MICU1: variants seen among roughly 807,000 people sequenced by gnomAD.
MICU1 encodes the protein mitochondrial calcium uptake 1, also known as calcium uptake protein 1, mitochondrial.
In MICU1, 45 loss-of-function variants were observed where a neutral mutation model predicts 56.8. The ratio of observed to expected loss-of-function variants is 0.79; its 90% CI spans 0.62 to 1.02. The LOEUF (loss-of-function observed/expected upper bound fraction) is 1.02, where lower values mean the gene tolerates loss of function less well. Ranked by LOEUF, MICU1 falls within the 50% of genes least tolerant of loss-of-function variation. The pLI is 0.00. For missense variants in MICU1, 504 were observed against 587.1 expected (o/e 0.86, Z 1.46); for synonymous variants, 186 against 195.1 (o/e 0.95, Z 0.39).
intron 10 of MICU1, among the ~76,000 whole-genome samples, chr10:72,400,060 A>G (rs1863401661): frequency 6.6e-6 from 1 of 152,260 alleles, no homozygotes; most frequent in African/African-American, 2.4e-5. Flanking sequence ...TGTATTTACC[A>G]AAAATAAAAC....
chr10:72,399,381 C>T (rs544856432), intron 10 of MICU1, among the ~76,000 whole-genome samples: 280 of 152,188 alleles, frequency 1.8e-3, no homozygotes, highest in South Asian at 7.3e-3. Context: ...TTGATGGGTG[C>T]AGCAAACCAC....
At chr10:72,442,204 G>C (rs1045186725) in intron 8 of MICU1, among the ~76,000 whole-genome samples, 2 of 151,666 alleles carry the variant, frequency 1.3e-5, no homozygotes, top group African/African-American at 4.8e-5. Flanking sequence ...TCACCCAGGT[G>C]CAATCTTGGC....
At chr10:72,461,390 G>C (rs1166344742) in intron 8 of MICU1, among the ~76,000 whole-genome samples, 1 of 152,190 alleles carries the variant, frequency 6.6e-6, no homozygotes, top group Non-Finnish European at 1.5e-5. Flanking sequence ...AGTTAGAATT[G>C]ACTCAAATAA....
intron 2 of MICU1, among the ~76,000 whole-genome samples, chr10:72,563,633 C>T (rs1004482420): frequency 1.3e-5 from 2 of 152,126 alleles, no homozygotes; most frequent in South Asian, 2.1e-4. Context: ...AAGATGAAAA[C>T]GTTCTGGAGA....
intron 6 of MICU1, among the ~76,000 whole-genome samples, chr10:72,494,667 AT>A: frequency 6.6e-6 from 1 of 151,908 alleles, no homozygotes. Context: ...CGAAAATAAA[AT>A]TAAAAAAAAA....
At chr10:72,370,706 T>C (rs1003943245) in intron 11 of MICU1, among the ~76,000 whole-genome samples, 14 of 152,272 alleles carry the variant, frequency 9.2e-5, no homozygotes, top group African/African-American at 3.4e-4. Context: ...GTTCAGCTTT[T>C]TAAAAATTTA....
intron 10 of MICU1, among the ~76,000 whole-genome samples, chr10:72,397,175 C>T (rs1452541766): frequency 6.6e-6 from 1 of 152,130 alleles, no homozygotes; most frequent in African/African-American, 2.4e-5. Context: ...TCATATCCAG[C>T]CAAACTAAGC....
intron 8 of MICU1, among the ~76,000 whole-genome samples, chr10:72,430,796 G>A (rs1864500654): frequency 6.6e-6 from 1 of 152,130 alleles, no homozygotes; most frequent in South Asian, 2.1e-4. Flanking sequence ...CTGACCTCAG[G>A]TGATCCGCCA....
intron 7 of MICU1, 95 bp from the exon 8 acceptor site, chr10:72,475,392 G>T: frequency 8.6e-7 from 1 of 1,156,748 alleles, no homozygotes. Flanking sequence ...TTTACTATTT[G>T]CCTACTCTGT....
intron 10 of MICU1, among the ~76,000 whole-genome samples, chr10:72,376,402 C>T (rs899850574): frequency 1.3e-5 from 2 of 151,872 alleles, no homozygotes; most frequent in African/African-American, 2.4e-5. Context: ...AATGCCTAGG[C>T]TGGCCAGGCG....
In MICU1 at chr10:72,423,507, A is replaced by G; in HGVS notation, c.934-136T>C. 6 of 1,081,014 alleles carry G rather than the reference A, an allele frequency of 5.6e-6. 1 individual carries two copies. The South Asian group carries it at 8.5e-5, about 15-fold the overall frequency. The allele number at this position is 1,081,014 out of a possible 1,614,324, so 67.0% of individuals were successfully genotyped here. A position where few individuals can be genotyped will look rare whatever the true frequency, so the allele number is the denominator to read the frequency against. On this transcript the variant is annotated intron_variant, in intron 8 of 11. Transcript: ENST00000361114. ...ATATTTTTGAGGTACAATTCTCAGT[A>G]AGATCTGCAAAAACTAAGAAACAGA...
At chr10:72,613,243 T>C (rs1361855953) in intron 1 of MICU1, among the ~76,000 whole-genome samples, 1 of 151,586 alleles carries the variant, frequency 6.6e-6, no homozygotes, top group Non-Finnish European at 1.5e-5. Context: ...ATTACAGACA[T>C]TATTAGGAGA....
intron 1 of MICU1, among the ~76,000 whole-genome samples, chr10:72,621,192 C>T (rs1435712453): frequency 6.6e-6 from 1 of 152,156 alleles, no homozygotes; most frequent in Non-Finnish European, 1.5e-5. Context: ...ATTTTACATA[C>T]CACGTTCAAA....
intron 6 of MICU1, among the ~76,000 whole-genome samples, chr10:72,480,572 A>G (rs777760157): frequency 6.0e-4 from 92 of 152,378 alleles, no homozygotes; most frequent in Middle Eastern, 3.4e-3. Context: ...TTAAAGTGCA[A>G]CGAAAAGGAA....
chr10:72,405,897 C>T (rs1270330044), intron 10 of MICU1, among the ~76,000 whole-genome samples: 2 of 151,850 alleles, frequency 1.3e-5, no homozygotes. Context: ...TTTAATGGTA[C>T]AATATTGAAT....
At chr10:72,423,477 G>A in intron 8 of MICU1, 106 bp from the exon 9 acceptor site, 1 of 1,325,860 alleles carries the variant, frequency 7.5e-7, no homozygotes, top group Non-Finnish European at 1.0e-6. Context: ...CTGATGACTG[G>A]GACTATATTT....
chr10:72,565,834 A>G (rs1840418640), intron 2 of MICU1, among the ~76,000 whole-genome samples: 1 of 151,996 alleles, frequency 6.6e-6, no homozygotes, highest in African/African-American at 2.4e-5. Context: ...ACAAACAAAA[A>G]TAAAAAACAG....
At chr10:72,562,750 G>T in intron 3 of MICU1, 145 bp downstream of exon 3, 1 of 658,622 alleles carries the variant, frequency 1.5e-6, no homozygotes, top group African/African-American at 1.9e-5. Flanking sequence ...GAGTACTTTT[G>T]GCTTAGAACA....
chr10:72,553,232 T>C (rs930900283), intron 3 of MICU1, among the ~76,000 whole-genome samples: 5 of 122,182 alleles, frequency 4.1e-5, no homozygotes, highest in Non-Finnish European at 7.0e-5. Flanking sequence ...AATACCTTTC[T>C]TCTTTTTTTT....
Sources: allele counts gnomAD v4.1 joint callset (sites outside exome capture counted in the v4.1 genomes callset), GRCh38; gene constraint gnomAD v4.1.1; transcripts MANE v1.5; gene names NCBI Gene and HGNC (gene_info 2026-07-23, HGNC 2026-07-21).